PLD5: variants seen among roughly 807,000 people sequenced by gnomAD.
PLD5 encodes phospholipase D family member 5, also known as inactive phospholipase D5.
PLD5 carries 36 observed loss-of-function variants against 61.1 expected under a neutral mutation model. The observed-to-expected ratio is 0.59, with a 90% CI of 0.45 to 0.78. The LOEUF is 0.78. Among genes scored for constraint, PLD5 ranks in the 30% least tolerant of loss-of-function variants. The pLI is 0.00. For missense variants in PLD5, 515 were observed against 644.4 expected, an observed-to-expected ratio of 0.80 and a Z score of 2.17; for synonymous variants, 243 against 242.8, an observed-to-expected ratio of 1.00 and a Z score of -0.01.
intron 5 of PLD5, among the ~76,000 whole-genome samples, chr1:242,158,580 C>G (rs1360999740): frequency 6.6e-6 from 1 of 152,152 alleles, no homozygotes; most frequent in African/African-American, 2.4e-5. Context: ...AATTCCCCAA[C>G]CTCTTGCACT....
At chr1:242,288,981 T>C (rs984103265) in intron 2 of PLD5, among the ~76,000 whole-genome samples, 12 of 152,148 alleles carry the variant, frequency 7.9e-5, no homozygotes, top group East Asian at 5.8e-4. Flanking sequence ...GGGGCATACA[T>C]TGGAACTCAA....
At chr1:242,243,212 G>A (rs1213355641) in intron 4 of PLD5, among the ~76,000 whole-genome samples, 2 of 152,226 alleles carry the variant, frequency 1.3e-5, no homozygotes, top group Non-Finnish European at 2.9e-5. Flanking sequence ...CTGAGCTGAC[G>A]AGGGGAGGAG....
intron 1 of PLD5, among the ~76,000 whole-genome samples, chr1:242,461,539 C>A (rs1057015365): frequency 6.6e-6 from 1 of 152,184 alleles, no homozygotes; most frequent in African/African-American, 2.4e-5. Context: ...ATTTCTCAAC[C>A]TGTCCTACTC....
At chr1:242,440,742 A>G (rs1666234533) in intron 1 of PLD5, among the ~76,000 whole-genome samples, 1 of 152,212 alleles carries the variant, frequency 6.6e-6, no homozygotes, top group Non-Finnish European at 1.5e-5. Context: ...TAACTCACAG[A>G]CTAAACACAA....
At chr1:242,228,958 C>T (rs765348808) in intron 4 of PLD5, among the ~76,000 whole-genome samples, 7 of 152,160 alleles carry the variant, frequency 4.6e-5, no homozygotes, top group African/African-American at 7.2e-5. Flanking sequence ...GCTATTCTTA[C>T]GGTATTAACC....
intron 1 of PLD5, among the ~76,000 whole-genome samples, chr1:242,510,149 T>C (rs1668857764): frequency 6.6e-6 from 1 of 152,074 alleles, no homozygotes. Flanking sequence ...GATAATAGTG[T>C]CTTGGCTCAT....
At chr1:242,509,163 G>C (rs1668823872) in intron 1 of PLD5, among the ~76,000 whole-genome samples, 1 of 151,972 alleles carries the variant, frequency 6.6e-6, no homozygotes, top group Non-Finnish European at 1.5e-5. Context: ...GATTGCCTGA[G>C]CTCGAGAGTT....
chr1:242,459,553 T>C (rs1349329443), intron 1 of PLD5, among the ~76,000 whole-genome samples: 1 of 152,162 alleles, frequency 6.6e-6, no homozygotes, highest in African/African-American at 2.4e-5. Context: ...TTCATTTAAA[T>C]CAGAGAAAAG....
At chr1:242,409,283 T>A (rs1298375787) in intron 1 of PLD5, among the ~76,000 whole-genome samples, 2 of 152,240 alleles carry the variant, frequency 1.3e-5, no homozygotes, top group East Asian at 3.9e-4. Context: ...TTTGAAGGAA[T>A]ATAAATCCTC....
chr1:242,507,712 A>T (rs1668771617), intron 1 of PLD5, among the ~76,000 whole-genome samples: 1 of 152,228 alleles, frequency 6.6e-6, no homozygotes, highest in Non-Finnish European at 1.5e-5. Flanking sequence ...TCCAAATGCA[A>T]CTAGAAATCT....
At chr1:242,227,389 G>T (rs1311910654) in intron 4 of PLD5, among the ~76,000 whole-genome samples, 1 of 152,062 alleles carries the variant, frequency 6.6e-6, no homozygotes, top group Non-Finnish European at 1.5e-5. Context: ...TGGAGACAGA[G>T]TGTCTCGCTC....
the PLD5 span, among the ~76,000 whole-genome samples, chr1:242,529,826 C>CCTTCCTTCCTTT: frequency 9.7e-5 from 14 of 143,880 alleles, no homozygotes; most frequent in African/African-American, 3.7e-4. Flanking sequence ...TTCCTTCCTT[C>CCTTCCTTCCTTT]TTCTTCTCTC....
intron 4 of PLD5, among the ~76,000 whole-genome samples, chr1:242,230,971 T>C (rs1671260904): frequency 6.6e-6 from 1 of 152,220 alleles, no homozygotes; most frequent in Non-Finnish European, 1.5e-5. Context: ...ACAGTTAAGC[T>C]ATCTATAGGA....
intron 1 of PLD5, among the ~76,000 whole-genome samples, chr1:242,424,246 A>G (rs1239305244): frequency 6.6e-6 from 1 of 152,034 alleles, no homozygotes; most frequent in Admixed American, 6.6e-5. Context: ...TAATGTTACT[A>G]TGTCTCTTCT....
intron 1 of PLD5, among the ~76,000 whole-genome samples, chr1:242,431,206 G>A (rs569284732): frequency 6.6e-6 from 1 of 152,292 alleles, no homozygotes; most frequent in East Asian, 1.9e-4. Context: ...AACTCTGCAT[G>A]CATTGAACAA....
chr1:242,242,022 C>G (rs1160251646), intron 4 of PLD5, among the ~76,000 whole-genome samples: 4 of 146,058 alleles, frequency 2.7e-5, no homozygotes, highest in African/African-American at 1.0e-4. Flanking sequence ...GACACACACA[C>G]ACACACACAC....
intron 1 of PLD5, among the ~76,000 whole-genome samples, chr1:242,370,083 A>T (rs1247544016): frequency 6.6e-6 from 1 of 152,180 alleles, no homozygotes; most frequent in East Asian, 1.9e-4. Flanking sequence ...CTGACACACC[A>T]ACAAACAAAA....
chr1:242,204,443 G>A (rs1346238607), intron 5 of PLD5, among the ~76,000 whole-genome samples: 1 of 152,100 alleles, frequency 6.6e-6, no homozygotes, highest in Non-Finnish European at 1.5e-5. Flanking sequence ...CAGTAACCAA[G>A]GCGTTGCTGC....
intron 5 of PLD5, chr1:242,147,545 G>T (rs1664625663): frequency 6.6e-6 from 1 of 152,122 alleles, no homozygotes; most frequent in Non-Finnish European, 1.5e-5. Flanking sequence ...TGAGATTGCT[G>T]GGTCATACAG....
Sources: allele counts gnomAD v4.1 joint callset (sites outside exome capture counted in the v4.1 genomes callset), GRCh38; gene constraint gnomAD v4.1.1; transcripts MANE v1.5; gene names NCBI Gene and HGNC (gene_info 2026-07-23, HGNC 2026-07-21).